KLF3: variants seen among roughly 807,000 people sequenced by gnomAD.
KLF3 encodes the protein KLF transcription factor 3, also known as Krueppel-like factor 3.
In KLF3, 6 loss-of-function variants were observed where a neutral mutation model predicts 32.7. The ratio of observed to expected loss-of-function variants is 0.18; its 90% CI spans 0.10 to 0.36. KLF3 has a LOEUF of 0.36. Ranked by LOEUF, KLF3 falls within the 10% of genes least tolerant of loss-of-function variation. The pLI, the probability that KLF3 is intolerant of heterozygous loss-of-function variation, is 1.00. For missense variants in KLF3, 338 were observed against 449.7 expected, an observed-to-expected ratio of 0.75 and a Z score of 2.25; for synonymous variants, 145 against 172.8, an observed-to-expected ratio of 0.84 and a Z score of 1.26.
At chr4:38,690,562 G>A (rs1406793049) in intron 4 of KLF3, 1 of 152,226 alleles carries the variant, frequency 6.6e-6, no homozygotes, top group African/African-American at 2.4e-5. Flanking sequence ...TCTTGGACTA[G>A]TCACTTAATC....
At chr4:38,691,440 C>G (rs1309052656) in intron 4 of KLF3, among the ~76,000 whole-genome samples, 1 of 152,104 alleles carries the variant, frequency 6.6e-6, no homozygotes, top group Non-Finnish European at 1.5e-5. Flanking sequence ...TATAGTTGTT[C>G]CTGCATGGGT....
chr4:38,667,178 C>A (rs1722070110), intron 1 of KLF3, among the ~76,000 whole-genome samples: 1 of 152,178 alleles, frequency 6.6e-6, no homozygotes, highest in South Asian at 2.1e-4. Flanking sequence ...TTAAAAAACT[C>A]CAGCTGCTCA....
rs1340954878 is a variant in KLF3, at chr4:38,688,037, CTTA to C, written c.58-543_58-541del. 3.0e-4 allele frequency among the ~76,000 whole-genome samples: 45 copies of C among 152,238 alleles called. No individual in the cohort carries two copies. Among genetic ancestry groups the C allele is most frequent in the Admixed American group, 5.9e-4 (9 of 15,294 alleles). On this transcript the variant is annotated intron_variant, in intron 2 of 5. Transcript: ENST00000261438. The surrounding 1 kb of genome is among the most constrained non-coding windows in gnomAD (Gnocchi z 4.9). ...TGCCTATCCTGCAGCCCCATTCTTG[CTTA>C]TTATACACAAGTATGATGAGAAATC...
chr4:38,694,577 G>C (rs1323351138), intron 4 of KLF3, among the ~76,000 whole-genome samples, 169 bp from the exon 5 acceptor site: 1 of 152,160 alleles, frequency 6.6e-6, no homozygotes, highest in Admixed American at 6.5e-5. Flanking sequence ...AATGTTTGTT[G>C]AATGAATATA....
rs1266930334 is a variant in KLF3 at position 38,688,931 on chromosome 4, G to T, written c.404G>T (p.Gly135Val). 3.7e-6 allele frequency: 6 copies of T among 1,614,138 alleles called. 1 individual carries two copies. In the Admixed American group the frequency reaches 1.0e-4, roughly 27 times the overall value. Residue 135 changes from glycine to valine, a missense_variant, in exon 3 of 6, where the codon GGA becomes GTA. Around this residue, in one of 2 missense-constraint regions of KLF3, gnomAD observed 272 missense variants for 313.4 expected, o/e 0.87. Transcript: ENST00000261438. This position sits in a 1 kb window ranked among gnomAD's most constrained non-coding sequence, Gnocchi z 4.9. ...PVMAAALSRH[G>V]IRSPGILPVI... ...ATGGCAGCTGCCCTCTCGCGGCATG[G>T]AATACGGAGCCCGGGGATCCTGCCC... is the stretch of plus-strand genomic sequence containing the variant.
At chr4:38,679,461 C>T (rs1016780758) in intron 1 of KLF3, among the ~76,000 whole-genome samples, 2 of 152,138 alleles carry the variant, frequency 1.3e-5, no homozygotes, top group East Asian at 1.9e-4. Context: ...AATAATAGTT[C>T]GTCTTTGCCA....
At chr4:38,673,063 A>AG in intron 1 of KLF3, among the ~76,000 whole-genome samples, 1 of 152,342 alleles carries the variant, frequency 6.6e-6, no homozygotes, top group East Asian at 1.9e-4. Context: ...TTATTTTTAA[A>AG]GGGAGAGGGT....
At position 38,694,907 on chromosome 4, in the gene KLF3, G is replaced by T; in HGVS notation, c.856+1G>T. On this transcript the variant is annotated splice_donor_variant, in intron 5 of 5. Coordinates refer to ENST00000261438, the MANE Select transcript of KLF3 (RefSeq NM_016531.6). LOFTEE classifies it high-confidence loss of function. ...AAAGCACACAGAAGAACACACACAG[G>T]TAATAGAAACACCAGACCCACTTCA... 6.3e-7 allele frequency: 1 copy of T among 1,597,040 alleles called. No homozygotes were observed. Among genetic ancestry groups the T allele is most frequent in the Non-Finnish European group, 8.5e-7 (1 of 1,174,442 alleles).
intron 1 of KLF3, among the ~76,000 whole-genome samples, chr4:38,676,405 C>T (rs1048173586): frequency 6.6e-5 from 10 of 152,306 alleles, no homozygotes; most frequent in East Asian, 1.9e-4. Flanking sequence ...CGTTCCACTG[C>T]ACTCCAGCCT....
rs1001961205 is a variant in KLF3, at chr4:38,697,915, G to A, written c.*652G>A. On this transcript the variant is annotated 3_prime_UTR_variant, in exon 6 of 6. Coordinates refer to ENST00000261438, the MANE Select transcript of KLF3 (RefSeq NM_016531.6). ...GAGATGAGCCCAAACTTTCGATCTA[G>A]GTGGGTGATGTGTAGCAGTTCAAGG... 3 of 152,246 alleles carry A rather than the reference G, an allele frequency of 2.0e-5. No individual in the cohort carries two copies. The highest frequency in any genetic ancestry group is 2.9e-5 in the Non-Finnish European group (2 of 68,068). The allele number at this position is 152,246 out of a possible 1,614,324, so 9.4% of individuals were successfully genotyped here. A position where few individuals can be genotyped will look rare whatever the true frequency, so the allele number is the denominator to read the frequency against.
chr4:38,685,774 G>C (rs1233518416), intron 2 of KLF3, among the ~76,000 whole-genome samples: 3 of 152,202 alleles, frequency 2.0e-5, no homozygotes, highest in African/African-American at 7.2e-5. Flanking sequence ...CCTAGTACCA[G>C]AACCATTGCC....
intron 2 of KLF3, among the ~76,000 whole-genome samples, chr4:38,684,511 T>C (rs1303373084): frequency 6.6e-6 from 1 of 151,210 alleles, no homozygotes; most frequent in Non-Finnish European, 1.5e-5. Flanking sequence ...TCAGTGGTTT[T>C]GTGGAGGTTT....
At chr4:38,695,217 T>A (rs976427783) in intron 5 of KLF3, among the ~76,000 whole-genome samples, 1 of 152,206 alleles carries the variant, frequency 6.6e-6, no homozygotes, top group African/African-American at 2.4e-5. Context: ...GCTTTCACAG[T>A]CAAGGATGTG....
At position 38,689,068 on chromosome 4, in the gene KLF3, C is replaced by A; in HGVS notation, c.541C>A (p.Gln181Lys). The A allele has an allele frequency of 6.2e-7, 1 of 1,612,614 alleles. No homozygotes were observed. ...GATGGAAAATTCCAGTAGTAGCATG[C>A]AAGGTAAATTCCGCCACTGCTCCAT... ...EEMENSSSSM[Q>K]VPVIESYEKP... The change falls in exon 3 of 6, where the codon CAA becomes AAA. Residue 181 changes from glutamine to lysine, a missense_variant. Physicochemically the swap from Gln to Lys is moderately conservative, Grantham distance 53 (BLOSUM62 1). Transcript: ENST00000261438.
intron 2 of KLF3, among the ~76,000 whole-genome samples, chr4:38,683,965 A>G (rs976987007): frequency 1.3e-5 from 2 of 152,166 alleles, no homozygotes; most frequent in Admixed American, 1.3e-4. Flanking sequence ...TGCTCTTCCC[A>G]GAGTGTGTGT....
Position 38,700,441 on chromosome 4 carries a change from C to T in KLF3, c.*3178C>T, listed in dbSNP as rs1723166038. The stretch of plus-strand genomic sequence containing the variant: ...ATTTGGTTTGAAAATATACAGTTGT[C>T]TTGAAGGAATTGCTGTCATACATGA... On this transcript the variant is annotated 3_prime_UTR_variant, in exon 6 of 6. Transcript: ENST00000261438. 1.3e-5 allele frequency: 2 copies of T among 152,164 alleles called. No homozygotes were observed. The highest frequency in any genetic ancestry group is 1.3e-4 in the Admixed American group (2 of 15,266). The allele number at this position is 152,164 out of a possible 1,614,324, so 9.4% of individuals were successfully genotyped here.
At chr4:38,685,976 A>G (rs1354470860) in intron 2 of KLF3, among the ~76,000 whole-genome samples, 2 of 152,168 alleles carry the variant, frequency 1.3e-5, no homozygotes, top group Non-Finnish European at 2.9e-5. Flanking sequence ...TCTATTTAAT[A>G]CTTAATGTTG....
chr4:38,684,793 A>C (rs1413935305), intron 2 of KLF3, among the ~76,000 whole-genome samples: 1 of 151,872 alleles, frequency 6.6e-6, no homozygotes, highest in Non-Finnish European at 1.5e-5. Context: ...CGGCCTTAAG[A>C]TATCCTCCTG....
chr4:38,680,545 G>A, intron 1 of KLF3, 42 bp from the exon 2 acceptor site: 1 of 1,016,916 alleles, frequency 9.8e-7, no homozygotes, highest in Non-Finnish European at 1.5e-6. Context: ...TGTATTTAAA[G>A]TAACCTTGAG....
Sources: gnomAD v4.1 joint callset for allele counts (sites outside exome capture counted in the v4.1 genomes callset) on GRCh38, gnomAD v4.1.1 for gene constraint, gnomAD v4.1.1 regional missense constraint, Gnocchi (gnomAD v3.1) non-coding constraint, MANE v1.5 for transcripts, NCBI Gene and HGNC (gene_info 2026-07-23, HGNC 2026-07-21) for gene names.